AGBL2: variants seen among roughly 807,000 people sequenced by gnomAD.
The protein encoded by AGBL2 is cytosolic carboxypeptidase 2.
Under a neutral mutation model 103.0 loss-of-function variants are expected in AGBL2, and 87 were observed. That is an observed-to-expected ratio of 0.84 (90% confidence interval 0.71 to 1.01). The LOEUF (loss-of-function observed/expected upper bound fraction) is 1.01. AGBL2 is among the 50% of genes least tolerant of loss of function. AGBL2 has a pLI of 0.00. For synonymous variants in AGBL2, 335 were observed against 356.7 expected (o/e 0.94, Z 0.69); for missense variants, 904 against 1,023.5 (o/e 0.88, Z 1.59).
intron 3 of AGBL2, among the ~76,000 whole-genome samples, chr11:47,711,827 G>A (rs1053443210): frequency 2.0e-5 from 3 of 152,158 alleles, no homozygotes; most frequent in South Asian, 2.1e-4. Context: ...GAGCCACCAC[G>A]CCCGGCCTGA....
chr11:47,699,910 A>G (rs1011434370), intron 7 of AGBL2, among the ~76,000 whole-genome samples: 1 of 152,246 alleles, frequency 6.6e-6, no homozygotes, highest in Non-Finnish European at 1.5e-5. Flanking sequence ...TTTTATTACC[A>G]TAGAGGACTA....
chr11:47,692,331 CTAAG>C, intron 8 of AGBL2, 75 bp from the exon 9 acceptor site: 1 of 1,251,660 alleles, frequency 8.0e-7, no homozygotes, highest in Non-Finnish European at 1.1e-6. Flanking sequence ...AGTGGCCCCT[CTAAG>C]TGGTCAACAC....
At chr11:47,684,193 A>T (rs1389174767) in intron 11 of AGBL2, among the ~76,000 whole-genome samples, 4 of 152,000 alleles carry the variant, frequency 2.6e-5, no homozygotes, top group Non-Finnish European at 5.9e-5. Flanking sequence ...GAATTGCTTG[A>T]ACCCGGGAGG....
chr11:47,682,855 C>G (rs2097406561), intron 11 of AGBL2, among the ~76,000 whole-genome samples: 1 of 152,068 alleles, frequency 6.6e-6, no homozygotes, highest in Non-Finnish European at 1.5e-5. Flanking sequence ...TGAGGAGCCT[C>G]AGGGCATTTC....
chr11:47,667,400 G>A (rs527810854), intron 16 of AGBL2, among the ~76,000 whole-genome samples, 171 bp downstream of exon 16: 326 of 152,264 alleles, frequency 2.1e-3, no homozygotes, highest in Middle Eastern at 0.014. Flanking sequence ...AAACCTGCTC[G>A]GAGATGTCCG....
chr11:47,678,540 T>C (rs926742164), intron 13 of AGBL2, among the ~76,000 whole-genome samples: 2 of 150,630 alleles, frequency 1.3e-5, no homozygotes, highest in African/African-American at 4.9e-5. Flanking sequence ...TTCACCGTGT[T>C]GGTCAGGCTG....
At chr11:47,667,234 G>A (rs933769671) in intron 16 of AGBL2, among the ~76,000 whole-genome samples, 171 bp from the exon 17 acceptor site, 3 of 152,170 alleles carry the variant, frequency 2.0e-5, no homozygotes, top group African/African-American at 7.2e-5. Context: ...AGCTGTCTTA[G>A]CCTGGACCAG....
chr11:47,685,754 A>G (rs1453893552), intron 11 of AGBL2, 139 bp downstream of exon 11: 1 of 942,810 alleles, frequency 1.1e-6, no homozygotes, highest in East Asian at 2.6e-5. Flanking sequence ...GCTTTTCTAA[A>G]TTCTTGAAGT....
At chr11:47,687,388 T>C (rs2097428220) in intron 10 of AGBL2, among the ~76,000 whole-genome samples, 1 of 151,994 alleles carries the variant, frequency 6.6e-6, no homozygotes, top group Non-Finnish European at 1.5e-5. Context: ...CTACTAAAAA[T>C]GAAAAAGAAC....
Position 47,662,162 on chromosome 11 carries a change from GT to G in AGBL2, c.2535+863del, listed in dbSNP as rs1564995674. Among the ~76,000 whole-genome samples, 39 of 151,914 alleles carry G rather than the reference GT, an allele frequency of 2.6e-4. 1 individual carries two copies. The South Asian group carries it at 8.1e-3, about 32-fold the overall frequency. ...CATTCAAACTTACTCTTTTTTTAAAGTTTTTATATTTTATTTATTTATTTAT... is the reference window on the plus strand; with the variant it reads ...CATTCAAACTTACTCTTTTTTTAAAGTTTTATATTTTATTTATTTATTTAT... On this transcript the variant is annotated intron_variant, in intron 18 of 18. Coordinates refer to ENST00000525123, the MANE Select transcript of AGBL2 (RefSeq NM_024783.4).
At chr11:47,674,167 T>C (rs554564612) in intron 14 of AGBL2, among the ~76,000 whole-genome samples, 10 of 151,908 alleles carry the variant, frequency 6.6e-5, no homozygotes, top group Non-Finnish European at 1.5e-4. Context: ...ATAAATGCTA[T>C]GGAAAAAAGT....
chr11:47,689,410 T>C (rs2097436384), intron 10 of AGBL2, among the ~76,000 whole-genome samples: 2 of 151,362 alleles, frequency 1.3e-5, no homozygotes, highest in Non-Finnish European at 2.9e-5. Flanking sequence ...GTTCAAGCGA[T>C]TCTCCTGCCT....
intron 6 of AGBL2, 76 bp from the exon 7 acceptor site, chr11:47,704,804 A>C (rs550222465): frequency 8.8e-7 from 1 of 1,141,888 alleles, no homozygotes; most frequent in Middle Eastern, 2.0e-4. Flanking sequence ...TATAACAATG[A>C]AACTATTTTA....
chr11:47,695,136 C>T (rs907113866), intron 8 of AGBL2, among the ~76,000 whole-genome samples: 2 of 149,670 alleles, frequency 1.3e-5, no homozygotes, highest in African/African-American at 4.9e-5. Context: ...GGCAACAGAC[C>T]GAGACTCCGT....
At chr11:47,671,077 C>T (rs2097355886) in intron 14 of AGBL2, among the ~76,000 whole-genome samples, 1 of 152,068 alleles carries the variant, frequency 6.6e-6, no homozygotes, top group Non-Finnish European at 1.5e-5. Context: ...TCTGCAAGGG[C>T]TAGGATGAAT....
Position 47,702,356 on chromosome 11 carries a change from A to T in AGBL2, c.586+2187T>A, listed in dbSNP as rs1032822016. Among the ~76,000 whole-genome samples the T allele has an allele frequency of 1.3e-5, 2 of 151,594 alleles. 1 individual carries two copies. Among genetic ancestry groups the T allele is most frequent in the South Asian group, 4.2e-4 (2 of 4,792 alleles). ...CCTTTAGATCTCAGCTTAGTTGTCA[A>T]CTCCTTTTGAAAACTTATGCTGATC... On this transcript the variant is annotated intron_variant, in intron 7 of 18. Transcript: ENST00000525123.
chr11:47,675,999 T>C (rs550224913), intron 14 of AGBL2, among the ~76,000 whole-genome samples: 1 of 152,038 alleles, frequency 6.6e-6, no homozygotes, highest in African/African-American at 2.4e-5. Context: ...AGCAACACCC[T>C]GTCTCAAGAA....
At position 47,667,613 on chromosome 11, in the gene AGBL2, T is replaced by G. The variant is rs2097344808; in HGVS notation, c.2298A>C (p.Lys766Asn). Residue 766 changes from lysine to asparagine, a missense_variant, in exon 16 of 19, where the codon AAA (lysine) becomes AAC (asparagine). Lys to Asn is a moderately conservative substitution (Grantham distance 94, BLOSUM62 0). Transcript: ENST00000525123. ...ACTTTAACTTCTGCATCAAATTTTT[T>G]TTCTGATACTGCTCATTTCGCTGTT... ...TRKQRNEQYQ[K>N]KNLMQKLKLT... The G allele has an allele frequency of 6.2e-7, 1 of 1,613,964 alleles. No individual in the cohort carries two copies. Among genetic ancestry groups the G allele is most frequent in the African/African-American group, 1.3e-5 (1 of 74,934 alleles).
intron 6 of AGBL2, chr11:47,704,992 A>G (rs1470184563): frequency 3.4e-6 from 1 of 297,800 alleles, no homozygotes; most frequent in Non-Finnish European, 6.1e-6. Flanking sequence ...AATTAAATTT[A>G]ATGGTCCAAG....
Sources: gnomAD v4.1 joint callset for allele counts (sites outside exome capture counted in the v4.1 genomes callset) on GRCh38, gnomAD v4.1.1 for gene constraint, MANE v1.5 for transcripts, NCBI Gene and HGNC (gene_info 2026-07-23, HGNC 2026-07-21) for gene names.